TMEM108: variants seen among roughly 807,000 people sequenced by gnomAD.
TMEM108 encodes the protein cancer/testis antigen 124.
Under a neutral mutation model 35.1 loss-of-function variants are expected in TMEM108, and 12 were observed. The observed-to-expected ratio is 0.34, with a 90% CI of 0.22 to 0.55. TMEM108 has a LOEUF of 0.55. Ranked by LOEUF, TMEM108 falls within the 20% of genes least tolerant of loss-of-function variation. The pLI, the probability that TMEM108 is intolerant of heterozygous loss-of-function variation, is 0.89. For missense variants in TMEM108, 680 were observed against 753.3 expected (o/e 0.90, Z 1.14); for synonymous variants, 287 against 308.6 (o/e 0.93, Z 0.73).
At chr3:133,087,487 TTC>T (rs1001001072) in intron 2 of TMEM108, among the ~76,000 whole-genome samples, 6 of 152,230 alleles carry the variant, frequency 3.9e-5, no homozygotes, top group Non-Finnish European at 5.9e-5. Context: ...TGTCTTTTTG[TTC>T]TCTCTGATTT....
intron 2 of TMEM108, among the ~76,000 whole-genome samples, chr3:133,117,578 A>G (rs920514555): frequency 9.2e-5 from 14 of 152,310 alleles, no homozygotes; most frequent in African/African-American, 3.4e-4. Context: ...CTGACCTGGC[A>G]GGTTCTTCCT....
chr3:133,336,549 G>C (rs1322004584), intron 3 of TMEM108, among the ~76,000 whole-genome samples: 10 of 152,020 alleles, frequency 6.6e-5, no homozygotes, highest in Non-Finnish European at 2.9e-5. Context: ...CAATACCCAG[G>C]TACTTTGCCA....
At chr3:133,247,674 C>T (rs915944409) in intron 3 of TMEM108, 6 of 152,030 alleles carry the variant, frequency 3.9e-5, no homozygotes, top group East Asian at 3.9e-4. Flanking sequence ...AAATCCCTCT[C>T]TGCAACCCCT....
At chr3:133,040,290 G>A (rs933661328) in intron 1 of TMEM108, among the ~76,000 whole-genome samples, 19 of 146,710 alleles carry the variant, frequency 1.3e-4, no homozygotes, top group African/African-American at 4.0e-4. Context: ...TGTAACCTCC[G>A]TCTCCTGGAT....
chr3:133,069,629 T>G (rs1213285021), intron 2 of TMEM108, among the ~76,000 whole-genome samples: 2 of 152,186 alleles, frequency 1.3e-5, no homozygotes, highest in Admixed American at 1.3e-4. Context: ...AACTCCTCCC[T>G]TAGCCTGCCC....
intron 3 of TMEM108, among the ~76,000 whole-genome samples, chr3:133,324,917 A>C (rs987245719): frequency 2.4e-4 from 37 of 152,220 alleles, no homozygotes; most frequent in African/African-American, 8.7e-4. Context: ...CGGAGGTTAC[A>C]GTGAGCTGAG....
chr3:133,061,272 C>G (rs200236672), intron 2 of TMEM108, among the ~76,000 whole-genome samples: 1 of 144,556 alleles, frequency 6.9e-6, no homozygotes, highest in East Asian at 2.1e-4. Flanking sequence ...AGTGCAGTGG[C>G]ACGATCTCTG....
intron 2 of TMEM108, among the ~76,000 whole-genome samples, chr3:133,205,103 A>T (rs1945732109): frequency 6.7e-6 from 1 of 148,568 alleles, no homozygotes; most frequent in Admixed American, 6.7e-5. Flanking sequence ...AAGTCTGTTT[A>T]TCAGAGACTA....
intron 2 of TMEM108, among the ~76,000 whole-genome samples, chr3:133,065,740 TATC>T (rs894033072): frequency 7.2e-5 from 11 of 152,152 alleles, no homozygotes; most frequent in Non-Finnish European, 1.0e-4. Context: ...GGAATGAAAA[TATC>T]ATTTTAAAAT....
chr3:133,259,466 G>A (rs1166556932), intron 3 of TMEM108, among the ~76,000 whole-genome samples: 4 of 152,188 alleles, frequency 2.6e-5, no homozygotes, highest in Admixed American at 6.5e-5. Context: ...GCATATTTAC[G>A]TAAGAGGTAG....
intron 2 of TMEM108, among the ~76,000 whole-genome samples, chr3:133,064,467 G>A (rs1943571791): frequency 6.6e-6 from 1 of 152,138 alleles, no homozygotes; most frequent in Non-Finnish European, 1.5e-5. Flanking sequence ...TATAAATAAA[G>A]AGATTCAGGA....
rs35518753 is a variant in TMEM108 at position 133,227,189 on chromosome 3, C to CTT, written c.-46-2055_-46-2054dup. ...TAATCTTGGACTAAGGAAGGCCTTT[C>CTT]TTTTTTTTTTTTTTTTTTTTTTTGA... On this transcript the variant is annotated intron_variant, in intron 2 of 5. Transcript: ENST00000321871. 9.0e-3 allele frequency among the ~76,000 whole-genome samples: 749 copies of CTT among 83,420 alleles called. 21 individuals carry two copies. Among genetic ancestry groups the CTT allele is most frequent in the Non-Finnish European group, 0.014 (636 of 45,166 alleles). The allele number at this position is 83,420 out of a possible 152,430, so 54.7% of individuals were successfully genotyped here. A position where few individuals can be genotyped will look rare whatever the true frequency, so the allele number is the denominator to read the frequency against.
At chr3:133,078,158 T>TGTGTGTGTGTGTGTGTGTGTGTGTGCGC (rs770304551) in intron 2 of TMEM108, among the ~76,000 whole-genome samples, 2 of 116,770 alleles carry the variant, frequency 1.7e-5, no homozygotes, top group African/African-American at 6.4e-5. Flanking sequence ...TGTGTGTGTG[T>TGTGTGTGTGTGTGTGTGTGTGTGTGCGC]GCACGCGCGC....
intron 2 of TMEM108, among the ~76,000 whole-genome samples, chr3:133,168,496 G>T (rs1424890031): frequency 6.6e-6 from 1 of 152,120 alleles, no homozygotes; most frequent in Non-Finnish European, 1.5e-5. Context: ...TCTGGGTCGG[G>T]TGGGAACTTG....
chr3:133,160,398 G>C (rs1270756228), intron 2 of TMEM108, among the ~76,000 whole-genome samples: 1 of 152,174 alleles, frequency 6.6e-6, no homozygotes, highest in Non-Finnish European at 1.5e-5. Flanking sequence ...TCTAAATGAT[G>C]TTCTCTGTTC....
intron 3 of TMEM108, among the ~76,000 whole-genome samples, chr3:133,249,590 TTAGTATAA>T (rs1468662586): frequency 1.1e-4 from 16 of 152,206 alleles, no homozygotes; most frequent in Admixed American, 1.0e-3. Flanking sequence ...ATTAATTCAC[TTAGTATAA>T]TAGCCTGTAG....
chr3:133,204,827 C>T (rs1269281884), intron 2 of TMEM108, among the ~76,000 whole-genome samples: 13 of 152,118 alleles, frequency 8.5e-5, no homozygotes, highest in Admixed American at 7.9e-4. Flanking sequence ...CCACTTGGTC[C>T]AGAGCTGAGT....
chr3:133,131,145 TTAAAAC>T (rs1559842128), intron 2 of TMEM108, among the ~76,000 whole-genome samples: 2 of 152,128 alleles, frequency 1.3e-5, no homozygotes. Context: ...ACTTTTCCGT[TTAAAAC>T]TAAAAAGGGA....
At chr3:133,156,070 T>G (rs546270726) in intron 2 of TMEM108, among the ~76,000 whole-genome samples, 1 of 149,838 alleles carries the variant, frequency 6.7e-6, no homozygotes, top group African/African-American at 2.5e-5. Flanking sequence ...TTTCTTTTAT[T>G]TATTTATTTA....
Sources: gnomAD v4.1 joint callset for allele counts (sites outside exome capture counted in the v4.1 genomes callset) on GRCh38, gnomAD v4.1.1 for gene constraint, MANE v1.5 for transcripts, NCBI Gene and HGNC (gene_info 2026-07-23, HGNC 2026-07-21) for gene names.